The following MAN1A1 variants were observed in gnomAD, a reference collection of about 807,000 sequenced individuals.
MAN1A1 encodes the protein mannosidase alpha class 1A member 1, also known as mannosyl-oligosaccharide 1,2-alpha-mannosidase IA.
Under a neutral mutation model 70.8 loss-of-function variants are expected in MAN1A1, and 29 were observed. The ratio of observed to expected loss-of-function variants is 0.41; its 90% CI spans 0.31 to 0.56. MAN1A1 has a LOEUF of 0.56. Among genes scored for constraint, MAN1A1 ranks in the 20% least tolerant of loss-of-function variants. The pLI is 0.29. For missense variants in MAN1A1, 747 were observed against 841.3 expected (o/e 0.89, Z 1.39); for synonymous variants, 349 against 330.1 (o/e 1.06, Z -0.62).
chr6:119,190,484 A>T (rs1456980939), intron 9 of MAN1A1, among the ~76,000 whole-genome samples: 1 of 152,166 alleles, frequency 6.6e-6, no homozygotes, highest in Non-Finnish European at 1.5e-5. Context: ...CTAATCCATA[A>T]ATGGGAACAA....
At chr6:119,183,316 T>A (rs1263229839) in intron 11 of MAN1A1, among the ~76,000 whole-genome samples, 1 of 152,188 alleles carries the variant, frequency 6.6e-6, no homozygotes, top group African/African-American at 2.4e-5. Context: ...AACAGATGCT[T>A]CGATTAAATT....
At chr6:119,273,358 C>A (rs1775975831) in intron 5 of MAN1A1, among the ~76,000 whole-genome samples, 1 of 152,052 alleles carries the variant, frequency 6.6e-6, no homozygotes, top group South Asian at 2.1e-4. Context: ...CTATATTTTC[C>A]ATAGCTGAAA....
chr6:119,260,420 G>C (rs1273931586), intron 5 of MAN1A1, among the ~76,000 whole-genome samples: 1 of 152,194 alleles, frequency 6.6e-6, no homozygotes, highest in Non-Finnish European at 1.5e-5. Flanking sequence ...ATTACAAACA[G>C]CTTAGAATGA....
intron 2 of MAN1A1, among the ~76,000 whole-genome samples, chr6:119,334,085 T>C (rs1773389666): frequency 6.6e-6 from 1 of 152,258 alleles, no homozygotes; most frequent in African/African-American, 2.4e-5. Flanking sequence ...AATATAACTC[T>C]TTTTTCAATT....
rs75881114 is a variant in MAN1A1 at position 119,208,412 on chromosome 6, G to C, written c.993-3530C>G. On this transcript the variant is annotated intron_variant, in intron 6 of 12. Coordinates refer to ENST00000368468, the MANE Select transcript of MAN1A1 (RefSeq NM_005907.4). The stretch of plus-strand genomic sequence containing the variant: ...TAATAGATTTTGGCAACTATAATTA[G>C]AAACATCTCTTTAAAGGAATTGAGT... 4.9e-4 allele frequency among the ~76,000 whole-genome samples: 75 copies of C among 152,286 alleles called. 1 individual carries two copies. The East Asian group carries it at 0.014, about 29-fold the overall frequency.
chr6:119,276,334 T>A (rs1776064006), intron 5 of MAN1A1, among the ~76,000 whole-genome samples: 1 of 152,226 alleles, frequency 6.6e-6, no homozygotes, highest in African/African-American at 2.4e-5. Flanking sequence ...ATCATGTAAA[T>A]CTTACGAAAG....
intron 4 of MAN1A1, among the ~76,000 whole-genome samples, chr6:119,299,126 T>C (rs1052917085): frequency 1.3e-5 from 2 of 151,994 alleles, no homozygotes; most frequent in African/African-American, 4.8e-5. Context: ...AAAATAATCA[T>C]TTGGATTTCT....
chr6:119,287,419 A>C (rs182139675), intron 5 of MAN1A1, among the ~76,000 whole-genome samples: 261 of 152,230 alleles, frequency 1.7e-3, no homozygotes, highest in Admixed American at 7.0e-3. Context: ...TTCTCTTGCA[A>C]TGTCATATTT....
intron 6 of MAN1A1, among the ~76,000 whole-genome samples, chr6:119,210,673 CT>C (rs3216463): frequency 1.6e-4 from 24 of 151,046 alleles, no homozygotes; most frequent in Admixed American, 9.2e-4. Context: ...TGTCTAGTTT[CT>C]TTTTTTTTCA....
At chr6:119,344,586 C>T (rs1773679047) in intron 2 of MAN1A1, among the ~76,000 whole-genome samples, 1 of 152,166 alleles carries the variant, frequency 6.6e-6, no homozygotes, top group African/African-American at 2.4e-5. Flanking sequence ...GGTCAGGTCT[C>T]CAAATCATGG....
At chr6:119,273,250 C>T (rs1037450869) in intron 5 of MAN1A1, among the ~76,000 whole-genome samples, 1 of 152,022 alleles carries the variant, frequency 6.6e-6, no homozygotes, top group African/African-American at 2.4e-5. Flanking sequence ...CAGATGAGTA[C>T]AGAAAAACAG....
At chr6:119,182,655 A>C (rs2114924531) in intron 11 of MAN1A1, among the ~76,000 whole-genome samples, 1 of 152,234 alleles carries the variant, frequency 6.6e-6, no homozygotes, top group Non-Finnish European at 1.5e-5. Context: ...GTCAAATAAA[A>C]ATTTCCATCG....
intron 6 of MAN1A1, among the ~76,000 whole-genome samples, chr6:119,212,858 T>G (rs1774092239): frequency 6.6e-6 from 1 of 152,240 alleles, no homozygotes; most frequent in Non-Finnish European, 1.5e-5. Context: ...TGGAACGGAT[T>G]CATTCCTTGA....
At chr6:119,310,025 A>T (rs773514423) in intron 2 of MAN1A1, among the ~76,000 whole-genome samples, 2 of 152,206 alleles carry the variant, frequency 1.3e-5, no homozygotes, top group Non-Finnish European at 2.9e-5. Context: ...TAATGTATGG[A>T]AACATAAGAT....
intron 5 of MAN1A1, among the ~76,000 whole-genome samples, chr6:119,261,971 C>T (rs1053132494): frequency 7.9e-5 from 12 of 152,100 alleles, no homozygotes; most frequent in South Asian, 6.2e-4. Flanking sequence ...AAAACATAGG[C>T]GGGCAAGGGT....
intron 5 of MAN1A1, among the ~76,000 whole-genome samples, chr6:119,278,272 A>G (rs1414222603): frequency 1.3e-5 from 2 of 152,226 alleles, no homozygotes. Context: ...ACAGCTCTGT[A>G]CAGGTATAGA....
At chr6:119,303,643 A>G (rs762198700) in intron 3 of MAN1A1, among the ~76,000 whole-genome samples, 7 of 152,124 alleles carry the variant, frequency 4.6e-5, no homozygotes, top group Non-Finnish European at 8.8e-5. Flanking sequence ...TCCAGGGGCT[A>G]ATCTTGTGAC....
intron 6 of MAN1A1, among the ~76,000 whole-genome samples, chr6:119,239,175 G>A (rs527673556): frequency 2.0e-5 from 3 of 152,148 alleles, no homozygotes; most frequent in East Asian, 3.9e-4. Context: ...ACCGCACCCG[G>A]CCTGAAACTG....
intron 5 of MAN1A1, among the ~76,000 whole-genome samples, chr6:119,267,610 G>T (rs890199400): frequency 1.3e-5 from 2 of 152,094 alleles, no homozygotes; most frequent in Non-Finnish European, 2.9e-5. Context: ...ACATGCCATA[G>T]TAAGCAGCAT....
Sources: gnomAD v4.1 joint callset for allele counts (sites outside exome capture counted in the v4.1 genomes callset) on GRCh38, gnomAD v4.1.1 for gene constraint, MANE v1.5 for transcripts, NCBI Gene and HGNC (gene_info 2026-07-23, HGNC 2026-07-21) for gene names.